The following GNB3 variants were observed in gnomAD, a reference collection of about 807,000 sequenced individuals.
GNB3 encodes G protein subunit beta 3.
GNB3 carries 33 observed loss-of-function variants against 41.2 expected under a neutral mutation model. That is an observed-to-expected ratio of 0.80 (90% confidence interval 0.61 to 1.07). The LOEUF is 1.07. Ranked by LOEUF, GNB3 falls within the 50% of genes least tolerant of loss-of-function variation. The pLI, the probability that GNB3 is intolerant of heterozygous loss-of-function variation, is 0.00. For missense variants in GNB3, 409 were observed against 455.3 expected, an observed-to-expected ratio of 0.90 and a Z score of 0.92; for synonymous variants, 172 against 173.4, an observed-to-expected ratio of 0.99 and a Z score of 0.06.
rs199802045 is a variant in GNB3 at position 6,843,144 on chromosome 12, C to T, written c.204-30C>T. The T allele has an allele frequency of 8.4e-5, 135 of 1,609,486 alleles. No homozygotes were observed. In the East Asian group the frequency reaches 2.9e-3, roughly 35 times the overall value. On this transcript the variant is annotated intron_variant, in intron 4 of 9. Transcript: ENST00000229264. This position sits in a 1 kb window ranked among gnomAD's most constrained non-coding sequence, Gnocchi z 5.9. ...GAGTGAGGAAGGCGGGAAGGGGAGG[C>T]TTGCATGATATGGGATGCCCTCTCC...
Position 6,846,892 on chromosome 12 carries a change from G to C in GNB3, c.1017G>C (p.Trp339Cys). The C allele has an allele frequency of 5.7e-6, 9 of 1,569,092 alleles. No homozygotes were observed. Among genetic ancestry groups the C allele is most frequent in the Non-Finnish European group, 7.8e-6 (9 of 1,150,986 alleles). The change falls in exon 10 of 10, where the codon TGG (tryptophan) becomes TGC (cysteine). Residue 339 changes from tryptophan (W) to cysteine (C), a missense_variant. Trp to Cys is a radical substitution (Grantham distance 215). Coordinates refer to ENST00000229264, the MANE Select transcript of GNB3 (RefSeq NM_002075.4). ...TGSWDSFLKI[W>C]N is the part of the protein sequence containing the mutation. The stretch of plus-strand genomic sequence containing the variant: ...CCTGGGACAGCTTCCTCAAAATCTG[G>C]AACTGAGGAGGCTGGAGAAAGGGAA...
rs1555124071 is a variant in GNB3, at chr12:6,844,092, T to TC, written c.699+114_699+115insC. 0.037 allele frequency: 12,556 copies of TC among 334,956 alleles called. 1,999 individuals are homozygous for TC. The highest frequency in any genetic ancestry group is 0.22 in the African/African-American group (3,389 of 15,620). The allele number at this position is 334,956 out of a possible 1,614,324, so 20.7% of individuals were successfully genotyped here. On this transcript the variant is annotated intron_variant, in intron 8 of 9. Coordinates refer to ENST00000229264, the MANE Select transcript of GNB3 (RefSeq NM_002075.4). ...TAGCTTCCCTAGCCCTTTCTTACTG[T>TC]ATTTTTTTTTTTTTTTTTTTTTTTT...
intron 8 of GNB3, among the ~76,000 whole-genome samples, chr12:6,844,339 T>C (rs1377114090): frequency 6.6e-6 from 1 of 151,906 alleles, no homozygotes; most frequent in Non-Finnish European, 1.5e-5. Flanking sequence ...TGACCTGAGG[T>C]GATCCTCCCA....
intron 2 of GNB3, 115 bp downstream of exon 2, chr12:6,841,459 T>C (rs779469264): frequency 1.1e-5 from 13 of 1,196,542 alleles, no homozygotes; most frequent in Non-Finnish European, 1.5e-5. Context: ...ACCAGGGACT[T>C]TCTAAACTTG....
intron 9 of GNB3, chr12:6,846,104 C>T (rs1185262026): frequency 8.0e-6 from 3 of 375,762 alleles, no homozygotes; most frequent in African/African-American, 6.1e-5. Context: ...GGGGCACCCA[C>T]TGAGAGGCAA....
chr12:6,844,064 C>G (rs367610606), intron 8 of GNB3, 86 bp downstream of exon 8: 16 of 812,292 alleles, frequency 2.0e-5, no homozygotes, highest in East Asian at 8.0e-5. Flanking sequence ...TCTGCCCCTC[C>G]CATAGCTTCC....
At chr12:6,841,549 C>T in intron 2 of GNB3, 37 bp from the exon 3 acceptor site, 1 of 1,591,494 alleles carries the variant, frequency 6.3e-7, no homozygotes, top group Non-Finnish European at 8.6e-7. Context: ...CCACCCCCAC[C>T]TCGCCCTTGC....
At position 6,845,346 on chromosome 12, in the gene GNB3, C is replaced by T. The variant is rs781793084; in HGVS notation, c.700-240C>T. On this transcript the variant is annotated intron_variant, in intron 8 of 9. Coordinates refer to ENST00000229264, the MANE Select transcript of GNB3 (RefSeq NM_002075.4). ...CAAGCCTTGGTGCTCTTGCCTGCGACGTGGAAATGATGCCTGCCTGCAGCG... is the reference window on the plus strand; with the variant it reads ...CAAGCCTTGGTGCTCTTGCCTGCGATGTGGAAATGATGCCTGCCTGCAGCG... The T allele has an allele frequency of 2.3e-4, 118 of 504,268 alleles. 3 individuals carry two copies. In the South Asian group the frequency reaches 2.8e-3, roughly 12 times the overall value. 31.2% of individuals were successfully genotyped at this position (504,268 alleles called of 1,614,324 possible).
At chr12:6,841,503 C>G (rs1943573191) in intron 2 of GNB3, 83 bp from the exon 3 acceptor site, 1 of 1,300,590 alleles carries the variant, frequency 7.7e-7, no homozygotes, top group Non-Finnish European at 1.1e-6. Context: ...GCCCCAGAGC[C>G]CCAAGACCAA....
At chr12:6,846,016 C>T in intron 9 of GNB3, 1 of 569,252 alleles carries the variant, frequency 1.8e-6, no homozygotes, top group Non-Finnish European at 3.2e-6. Flanking sequence ...CTCCACTGCC[C>T]AATGCCATGA....
chr12:6,845,807 G>C lies in GNB3; in HGVS notation c.916+5G>C. 6.2e-7 allele frequency: 1 copy of C among 1,604,214 alleles called. No individual in the cohort carries two copies. Among genetic ancestry groups the C allele is most frequent in the Non-Finnish European group, 8.5e-7 (1 of 1,171,206 alleles). ...CCATGAAGTCTGAGCGTGTGGGTAA[G>C]GGCCAGCCCTGGCTGCTGCTTCCTC... On this transcript the variant is annotated splice_donor_5th_base_variant and intron_variant, in intron 9 of 9. Coordinates refer to ENST00000229264, the MANE Select transcript of GNB3 (RefSeq NM_002075.4).
At chr12:6,845,321 C>G in intron 8 of GNB3, 1 of 455,012 alleles carries the variant, frequency 2.2e-6, no homozygotes, top group Non-Finnish European at 4.0e-6. Flanking sequence ...TCACTGCAGG[C>G]AAGCCTTGGT....
At chr12:6,845,296 G>C (rs1212766017) in intron 8 of GNB3, 1 of 378,158 alleles carries the variant, frequency 2.6e-6, no homozygotes, top group Non-Finnish European at 4.9e-6. Flanking sequence ...ACCTCCGTCC[G>C]CCCTTCTAGC....
chr12:6,847,222 C>T lies in GNB3; in HGVS notation c.*324C>T, dbSNP rs1354507895. On this transcript the variant is annotated 3_prime_UTR_variant, in exon 10 of 10. Transcript: ENST00000229264. ...GTCTGAGGCCCCAGGCCCTAGGATT[C>T]CTCCCCCAGAGCCACTACCTTTGTC... 8.9e-6 allele frequency: 3 copies of T among 336,798 alleles called. No individual in the cohort carries two copies. The highest frequency in any genetic ancestry group is 1.7e-5 in the Non-Finnish European group (3 of 178,956). 20.9% of individuals were successfully genotyped at this position (336,798 alleles called of 1,614,324 possible).
intron 8 of GNB3, among the ~76,000 whole-genome samples, chr12:6,844,415 C>T (rs781896388): frequency 8.6e-5 from 13 of 151,728 alleles, no homozygotes; most frequent in Non-Finnish European, 1.8e-4. Flanking sequence ...TCTTCCCTAG[C>T]CCTTTCTTTC....
At chr12:6,844,548 TA>T (rs1227182634) in intron 8 of GNB3, among the ~76,000 whole-genome samples, 6 of 152,144 alleles carry the variant, frequency 3.9e-5, no homozygotes, top group Non-Finnish European at 7.4e-5. Context: ...GCCTCCTGAG[TA>T]GCTGGGACTA....
intron 3 of GNB3, 119 bp downstream of exon 3, chr12:6,841,743 A>G: frequency 1.3e-6 from 1 of 767,892 alleles, no homozygotes. Flanking sequence ...GAGGAAACCC[A>G]TTAATTAATT....
At chr12:6,841,494 C>A in intron 2 of GNB3, 92 bp from the exon 3 acceptor site, 3 of 1,219,278 alleles carry the variant, frequency 2.5e-6, no homozygotes, top group Non-Finnish European at 3.6e-6. Flanking sequence ...GACCCCCAAG[C>A]CCCAGAGCCC....
In GNB3 at chr12:6,843,675, G is replaced by A. The variant is rs1943619878; in HGVS notation, c.474G>A (p.Val158=). ...GCTTCCTGGATGACAACAATATTGT[G>A]ACCAGCTCGGGGGACACCACGTGGT... ...CCRFLDDNNI[V]TSSGDTTCAL... Residue 158 remains valine, a synonymous_variant, in exon 7 of 10, where the codon GTG becomes GTA. Coordinates refer to ENST00000229264, the MANE Select transcript of GNB3 (RefSeq NM_002075.4). The surrounding 1 kb of genome is among the most constrained non-coding windows in gnomAD (Gnocchi z 5.9). 2 of 1,614,032 alleles carry A rather than the reference G, an allele frequency of 1.2e-6. No individual in the cohort carries two copies. The highest frequency in any genetic ancestry group is 3.3e-5 in the Admixed American group (2 of 60,014).
Sources: gnomAD v4.1 joint callset for allele counts (sites outside exome capture counted in the v4.1 genomes callset) on GRCh38, gnomAD v4.1.1 for gene constraint, Gnocchi (gnomAD v3.1) non-coding constraint, MANE v1.5 for transcripts, NCBI Gene and HGNC (gene_info 2026-07-23, HGNC 2026-07-21) for gene names.